The following PLXDC2 variants were observed in gnomAD, a reference collection of about 807,000 sequenced individuals.
The protein encoded by PLXDC2 is plexin domain-containing protein 2.
Under a neutral mutation model 68.9 loss-of-function variants are expected in PLXDC2, and 40 were observed. That is an observed-to-expected ratio of 0.58 (90% CI 0.45 to 0.76). The LOEUF is 0.76. Among genes scored for constraint, PLXDC2 ranks in the 30% least tolerant of loss-of-function variants. The pLI is 0.00. For synonymous variants in PLXDC2, 243 were observed against 234.2 expected (o/e 1.04, Z -0.34); for missense variants, 644 against 661.9 (o/e 0.97, Z 0.30).
At chr10:20,269,739 C>T (rs1265181036) in intron 13 of PLXDC2, among the ~76,000 whole-genome samples, 1 of 152,048 alleles carries the variant, frequency 6.6e-6, no homozygotes, top group Non-Finnish European at 1.5e-5. Flanking sequence ...GTGTTTGGGC[C>T]TGGCATGATG....
chr10:19,863,596 AT>A (rs1310124979), intron 1 of PLXDC2, among the ~76,000 whole-genome samples: 3 of 152,214 alleles, frequency 2.0e-5, no homozygotes, highest in African/African-American at 7.2e-5. Flanking sequence ...CAAGGATGGA[AT>A]TTTTGCTTGA....
intron 12 of PLXDC2, among the ~76,000 whole-genome samples, chr10:20,222,021 A>G (rs1203481432): frequency 6.6e-6 from 1 of 152,190 alleles, no homozygotes; most frequent in African/African-American, 2.4e-5. Flanking sequence ...TACAGTAATA[A>G]AGCAGATTGA....
intron 4 of PLXDC2, among the ~76,000 whole-genome samples, chr10:20,087,834 C>T (rs1589623184): frequency 6.6e-6 from 1 of 152,048 alleles, no homozygotes; most frequent in Non-Finnish European, 1.5e-5. Context: ...GTATTTCATC[C>T]GAATTTTTTT....
At chr10:19,891,430 G>A (rs942536682) in intron 1 of PLXDC2, among the ~76,000 whole-genome samples, 6 of 151,698 alleles carry the variant, frequency 4.0e-5, no homozygotes, top group Non-Finnish European at 5.9e-5. Context: ...ACAATCTTCC[G>A]TAATTACCAT....
chr10:20,279,266 G>T (rs1047170384), intron 13 of PLXDC2, among the ~76,000 whole-genome samples: 1 of 152,098 alleles, frequency 6.6e-6, no homozygotes, highest in Non-Finnish European at 1.5e-5. Flanking sequence ...AGAATTTTTT[G>T]ACCTTAGTTT....
intron 9 of PLXDC2, among the ~76,000 whole-genome samples, chr10:20,206,788 G>C (rs150365299): frequency 6.6e-6 from 1 of 151,864 alleles, no homozygotes; most frequent in Non-Finnish European, 1.5e-5. Flanking sequence ...GTGAATCACC[G>C]TTAAAAATGT....
At chr10:19,913,942 A>G (rs1334998533) in intron 1 of PLXDC2, among the ~76,000 whole-genome samples, 1 of 152,128 alleles carries the variant, frequency 6.6e-6, no homozygotes, top group Non-Finnish European at 1.5e-5. Context: ...AGACAAACAC[A>G]CAGACACAAG....
intron 1 of PLXDC2, among the ~76,000 whole-genome samples, chr10:19,836,647 C>T (rs921075484): frequency 6.6e-5 from 10 of 152,040 alleles, no homozygotes; most frequent in African/African-American, 2.2e-4. Context: ...TCTGGGGCTA[C>T]GAAATGGTTC....
chr10:20,003,592 C>T (rs575361128), intron 2 of PLXDC2, among the ~76,000 whole-genome samples: 25 of 152,150 alleles, frequency 1.6e-4, no homozygotes, highest in African/African-American at 4.1e-4. Flanking sequence ...ACCACCACAC[C>T]GGCTAATTTT....
intron 13 of PLXDC2, among the ~76,000 whole-genome samples, chr10:20,277,328 C>G (rs1836021807): frequency 6.6e-6 from 1 of 151,482 alleles, no homozygotes; most frequent in Admixed American, 6.6e-5. Context: ...ATATAGATTT[C>G]CCTTAAATAT....
At chr10:19,989,474 A>G (rs1834708697) in intron 1 of PLXDC2, among the ~76,000 whole-genome samples, 2 of 151,654 alleles carry the variant, frequency 1.3e-5, no homozygotes, top group Non-Finnish European at 2.9e-5. Context: ...ACATGGAAAG[A>G]TATTTATTAT....
At chr10:19,829,154 C>CTTTTTTTTTTTTTTTTTTTTTTTT (rs71388870) in intron 1 of PLXDC2, among the ~76,000 whole-genome samples, 1 of 94,418 alleles carries the variant, frequency 1.1e-5, no homozygotes, top group Non-Finnish European at 2.0e-5. Flanking sequence ...ACGCTTTCCT[C>CTTTTTTTTTTTTTTTTTTTTTTTT]TTTTTTTTTT....
At chr10:19,998,311 T>C (rs1834874663) in intron 1 of PLXDC2, among the ~76,000 whole-genome samples, 1 of 152,240 alleles carries the variant, frequency 6.6e-6, no homozygotes, top group South Asian at 2.1e-4. Flanking sequence ...CTGTGATTTT[T>C]CTGATTATCC....
chr10:20,220,162 A>C (rs1430120363), intron 12 of PLXDC2, among the ~76,000 whole-genome samples: 2 of 152,158 alleles, frequency 1.3e-5, no homozygotes, highest in Admixed American at 6.5e-5. Flanking sequence ...CTTATTCATC[A>C]TTGTATTAAT....
chr10:19,833,692 T>G (rs897467990), intron 1 of PLXDC2, among the ~76,000 whole-genome samples: 5 of 152,134 alleles, frequency 3.3e-5, no homozygotes, highest in Non-Finnish European at 5.9e-5. Flanking sequence ...TAAACCACCT[T>G]AGGAGATTAC....
At chr10:20,044,209 C>T (rs1287010803) in intron 2 of PLXDC2, among the ~76,000 whole-genome samples, 1 of 91,528 alleles carries the variant, frequency 1.1e-5, no homozygotes, top group African/African-American at 4.9e-5. Flanking sequence ...CTCTCTCTCT[C>T]TGTCTTTCTT....
intron 4 of PLXDC2, among the ~76,000 whole-genome samples, chr10:20,087,640 T>C (rs905971431): frequency 3.3e-5 from 5 of 152,236 alleles, no homozygotes; most frequent in African/African-American, 1.2e-4. Flanking sequence ...TTGCTGGCAG[T>C]TGGATATACT....
chr10:20,013,150 T>A (rs549802895), intron 2 of PLXDC2, among the ~76,000 whole-genome samples: 2 of 152,298 alleles, frequency 1.3e-5, no homozygotes, highest in East Asian at 3.9e-4. Context: ...ATCTAGAGAT[T>A]TGTCCCTATC....
At chr10:19,853,443 A>T (rs552425492) in intron 1 of PLXDC2, among the ~76,000 whole-genome samples, 1 of 151,730 alleles carries the variant, frequency 6.6e-6, no homozygotes, top group Non-Finnish European at 1.5e-5. Flanking sequence ...TTTTGTATAG[A>T]TGAGGTCTCG....
Sources: gnomAD v4.1 joint callset for allele counts (sites outside exome capture counted in the v4.1 genomes callset) on GRCh38, gnomAD v4.1.1 for gene constraint, MANE v1.5 for transcripts, NCBI Gene and HGNC (gene_info 2026-07-23, HGNC 2026-07-21) for gene names.